FGF14: variants seen among roughly 807,000 people sequenced by gnomAD.
FGF14 encodes the protein fibroblast growth factor homologous factor 4.
Under a neutral mutation model 25.5 loss-of-function variants are expected in FGF14, and 5 were observed. That is an observed-to-expected ratio of 0.20 (90% confidence interval 0.10 to 0.41). FGF14 has a LOEUF of 0.41. Ranked by LOEUF, FGF14 falls within the 10% of genes least tolerant of loss-of-function variation. FGF14 has a pLI of 1.00. For synonymous variants in FGF14, 138 were observed against 118.3 expected (o/e 1.17, Z -1.08); for missense variants, 222 against 320.1 (o/e 0.69, Z 2.34).
chr13:102,022,503 T>A (rs778663548), intron 1 of FGF14, among the ~76,000 whole-genome samples: 2 of 152,058 alleles, frequency 1.3e-5, no homozygotes, highest in Non-Finnish European at 2.9e-5. Context: ...CCTCACTCCA[T>A]CTGCTCAGAG....
intron 1 of FGF14, among the ~76,000 whole-genome samples, chr13:102,148,467 A>C (rs1348399080): frequency 1.3e-5 from 2 of 152,190 alleles, no homozygotes; most frequent in African/African-American, 4.8e-5. Context: ...TGTGTTAGGA[A>C]TAGAGTTTTA....
chr13:102,284,997 A>G (rs2141232970), intron 1 of FGF14, among the ~76,000 whole-genome samples: 1 of 152,162 alleles, frequency 6.6e-6, no homozygotes, highest in South Asian at 2.1e-4. Context: ...CATTTTTCAA[A>G]AAGAAGGAAA....
At chr13:102,168,923 T>C (rs1023908726) in intron 1 of FGF14, among the ~76,000 whole-genome samples, 15 of 151,890 alleles carry the variant, frequency 9.9e-5, no homozygotes, top group Admixed American at 9.9e-4. Flanking sequence ...GTTTAAGATA[T>C]TACGATAATA....
Position 101,991,001 on chromosome 13 carries a change from A to ATGG in FGF14, c.209-115706_209-115705insCCA, listed in dbSNP as rs2038870047. Among the ~76,000 whole-genome samples, 4 of 152,266 alleles carry ATGG rather than the reference A, an allele frequency of 2.6e-5. No homozygotes were observed. The South Asian group carries it at 8.3e-4, about 32-fold the overall frequency. On this transcript the variant is annotated intron_variant, in intron 1 of 4. Coordinates refer to the FGF14 transcript ENST00000376131. ...GTACTAATGTGCTCCTATTTATACT[A>ATGG]ATGGAGCACATTACTTTTTAACCTT...
intron 3 of FGF14, among the ~76,000 whole-genome samples, chr13:101,844,659 T>C (rs912516899): frequency 6.6e-6 from 1 of 152,022 alleles, no homozygotes; most frequent in African/African-American, 2.4e-5. Flanking sequence ...ATTTCCCAAA[T>C]ATTCAGTGAT....
chr13:101,804,644 TTGTAAC>T (rs1393131012), intron 3 of FGF14, among the ~76,000 whole-genome samples: 3 of 152,092 alleles, frequency 2.0e-5, no homozygotes, highest in Non-Finnish European at 2.9e-5. Flanking sequence ...TAGATTTAAG[TTGTAAC>T]TGTATTTTAT....
chr13:101,837,277 T>C (rs2042972115), intron 3 of FGF14, among the ~76,000 whole-genome samples: 1 of 152,064 alleles, frequency 6.6e-6, no homozygotes, highest in African/African-American at 2.4e-5. Flanking sequence ...TATTTTCTCA[T>C]TATCTGTCCG....
At chr13:102,029,323 T>A in intron 1 of FGF14, among the ~76,000 whole-genome samples, 1 of 152,100 alleles carries the variant, frequency 6.6e-6, no homozygotes, top group East Asian at 1.9e-4. Context: ...GATGCAAGAT[T>A]TTTTCCATCT....
intron 1 of FGF14, among the ~76,000 whole-genome samples, chr13:101,980,393 A>T (rs1324491832): frequency 6.6e-6 from 1 of 152,006 alleles, no homozygotes; most frequent in African/African-American, 2.4e-5. Context: ...CGATTATGAG[A>T]GTGTTTTTAA....
At chr13:101,839,428 T>A (rs2043092404) in intron 3 of FGF14, among the ~76,000 whole-genome samples, 1 of 151,932 alleles carries the variant, frequency 6.6e-6, no homozygotes, top group Admixed American at 6.6e-5. Context: ...CAATTATGAC[T>A]CTCATGAAAA....
chr13:102,336,665 T>C (rs573261587), intron 1 of FGF14, among the ~76,000 whole-genome samples: 10 of 152,284 alleles, frequency 6.6e-5, no homozygotes, highest in Admixed American at 5.2e-4. Context: ...AGGACTTTCA[T>C]AGTGAGAGAA....
chr13:102,337,842 T>C (rs1419562773), intron 1 of FGF14, among the ~76,000 whole-genome samples: 1 of 152,196 alleles, frequency 6.6e-6, no homozygotes, highest in African/African-American at 2.4e-5. Context: ...TCGGCATTTT[T>C]TTTAACTAAT....
chr13:101,720,574 G>GTGTT lies in FGF14; in HGVS notation c.*2253_*2256dup, dbSNP rs1566810203. 6.6e-6 allele frequency: 1 copy of GTGTT among 150,606 alleles called. No individual in the cohort carries two copies. The highest frequency in any genetic ancestry group is 1.5e-5 in the Non-Finnish European group (1 of 67,922). 9.3% of individuals were successfully genotyped at this position (150,606 alleles called of 1,614,324 possible). On this transcript the variant is annotated 3_prime_UTR_variant, in exon 5 of 5. Coordinates refer to ENST00000376143, the MANE Select transcript of FGF14 (RefSeq NM_004115.4). The stretch of plus-strand genomic sequence containing the variant: ...TGTGTGTGTGTGTGTGTATATGTGT[G>GTGTT]TGTTTGTGTGAAGTGAAGTGTTGCT...
intron 1 of FGF14, among the ~76,000 whole-genome samples, chr13:102,215,379 C>A (rs2050329015): frequency 6.6e-6 from 1 of 152,178 alleles, no homozygotes; most frequent in Non-Finnish European, 1.5e-5. Flanking sequence ...ATCTTTTAAG[C>A]AGAAGCTGGC....
At chr13:102,222,916 G>T (rs571530657) in intron 1 of FGF14, among the ~76,000 whole-genome samples, 1 of 152,282 alleles carries the variant, frequency 6.6e-6, no homozygotes, top group Admixed American at 6.5e-5. Flanking sequence ...CGCAGCCCAA[G>T]ACCCTACTTA....
chr13:101,870,438 T>A (rs1467406065), intron 2 of FGF14, among the ~76,000 whole-genome samples: 1 of 152,188 alleles, frequency 6.6e-6, no homozygotes, highest in Non-Finnish European at 1.5e-5. Flanking sequence ...AATTCAAATT[T>A]AATTATTCTA....
chr13:101,989,315 G>C (rs1267058323), intron 1 of FGF14, among the ~76,000 whole-genome samples: 1 of 151,974 alleles, frequency 6.6e-6, no homozygotes, highest in Non-Finnish European at 1.5e-5. Flanking sequence ...ATAATTTTAA[G>C]TGGATTTTTA....
At chr13:101,993,610 G>T (rs2039021533) in intron 1 of FGF14, among the ~76,000 whole-genome samples, 1 of 152,046 alleles carries the variant, frequency 6.6e-6, no homozygotes, top group African/African-American at 2.4e-5. Flanking sequence ...TACACAATAA[G>T]CAGTATTGTG....
intron 1 of FGF14, among the ~76,000 whole-genome samples, chr13:101,904,444 T>A (rs1054183952): frequency 2.6e-5 from 4 of 152,228 alleles, no homozygotes; most frequent in Admixed American, 6.5e-5. Context: ...AGAGAAGGAA[T>A]AGCAGTGTGA....
Sources: gnomAD v4.1 joint callset for allele counts (sites outside exome capture counted in the v4.1 genomes callset) on GRCh38, gnomAD v4.1.1 for gene constraint, MANE v1.5 for transcripts, NCBI Gene and HGNC (gene_info 2026-07-23, HGNC 2026-07-21) for gene names.